The following DOP1B variants were observed in gnomAD, a reference collection of about 807,000 sequenced individuals.
The protein encoded by DOP1B is DOP1 leucine zipper like protein B, also known as protein DOP1B.
Under a neutral mutation model 233.5 loss-of-function variants are expected in DOP1B, and 174 were observed. That is an observed-to-expected ratio of 0.75 (90% CI 0.66 to 0.85). The LOEUF (loss-of-function observed/expected upper bound fraction) is 0.85, where lower values mean the gene tolerates loss of function less well. DOP1B is among the 40% of genes least tolerant of loss of function. The pLI, the probability that DOP1B is intolerant of heterozygous loss-of-function variation, is 0.00. For synonymous variants in DOP1B, 1,190 were observed against 1,185.6 expected (o/e 1.00, Z -0.08); for missense variants, 2,652 against 2,846.6 (o/e 0.93, Z 1.56).
chr21:36,277,207 T>C, intron 28 of DOP1B, 107 bp downstream of exon 28: 5 of 1,092,188 alleles, frequency 4.6e-6, no homozygotes, highest in Non-Finnish European at 5.3e-6. Context: ...GGCCGCACCC[T>C]CCCAGGTGAG....
intron 2 of DOP1B, among the ~76,000 whole-genome samples, chr21:36,175,565 G>C (rs1026035983): frequency 5.9e-5 from 9 of 151,848 alleles, no homozygotes; most frequent in Non-Finnish European, 1.3e-4. Context: ...GGCCAAGATG[G>C]GTGGATCACT....
intron 32 of DOP1B, among the ~76,000 whole-genome samples, chr21:36,286,664 A>G (rs2067487515): frequency 6.6e-6 from 1 of 151,170 alleles, no homozygotes; most frequent in Admixed American, 6.6e-5. Flanking sequence ...ACACACACAC[A>G]CACACACACA....
intron 21 of DOP1B, among the ~76,000 whole-genome samples, chr21:36,249,160 C>A (rs1397943035): frequency 2.0e-5 from 3 of 151,872 alleles, no homozygotes; most frequent in African/African-American, 7.3e-5. Context: ...GGCGCGGTGG[C>A]TCATGCTTGT....
chr21:36,241,370 G>A (rs966725802), intron 18 of DOP1B, among the ~76,000 whole-genome samples: 5 of 151,884 alleles, frequency 3.3e-5, no homozygotes, highest in Admixed American at 6.6e-5. Context: ...ATAAGCTAAC[G>A]CTGTTCGAGA....
Position 36,232,804 on chromosome 21 carries a change from G to C in DOP1B, c.2351G>C (p.Gly784Ala), listed in dbSNP as rs1449228521. ...GCCTCTCCGGCTGGCTTCCTTTCAG[G>C]AGCCGGTGATTCCAGTTTTCCATCT... The part of the protein sequence containing the change: ...QLCATLFQLP[G>A]AGDSSFPSWL... Residue 784 changes from glycine to alanine, a missense_variant and splice_region_variant, in exon 15 of 37, where the codon GGA becomes GCA. By Grantham distance (60) the Gly-to-Ala change is moderately conservative. Transcript: ENST00000691173. The C allele has an allele frequency of 6.2e-7, 1 of 1,611,942 alleles. No individual in the cohort carries two copies. The highest frequency in any genetic ancestry group is 1.1e-5 in the South Asian group (1 of 91,002).
intron 2 of DOP1B, among the ~76,000 whole-genome samples, chr21:36,192,085 A>G (rs549967329): frequency 6.6e-6 from 1 of 150,650 alleles, no homozygotes; most frequent in Non-Finnish European, 1.5e-5. Context: ...TTGGCTGGGC[A>G]TGGTGGCTCA....
intron 18 of DOP1B, among the ~76,000 whole-genome samples, chr21:36,240,487 C>CATAA (rs1304560080): frequency 3.3e-5 from 5 of 152,252 alleles, no homozygotes; most frequent in Middle Eastern, 3.4e-3. Flanking sequence ...TTCATAAATA[C>CATAA]ATAAATAAAT....
Position 36,238,651 on chromosome 21 carries a change from AAG to A in DOP1B, c.2832_2833del (p.Glu944AspfsTer14). The A allele has an allele frequency of 1.2e-6, 2 of 1,614,010 alleles. No individual in the cohort carries two copies. The highest frequency in any genetic ancestry group is 1.7e-6 in the Non-Finnish European group (2 of 1,179,804). ...FRFSVIWHLTREIQGSRVTSH... is the reference protein window; with the variant it reads ...FRFSVIWHLTXEIQGSRVTSH... ...GATTTTCCGTGATCTGGCATCTGAC[AAG>A]AGAGATCCAAGGCAGTCGAGTAACA... On this transcript the variant is annotated frameshift_variant, in exon 17 of 37. Transcript: ENST00000691173. LOFTEE classifies it high-confidence loss of function.
intron 23 of DOP1B, among the ~76,000 whole-genome samples, chr21:36,259,903 C>T (rs1159483383): frequency 2.6e-5 from 4 of 151,970 alleles, no homozygotes; most frequent in African/African-American, 9.7e-5. Context: ...TTTTTACAAG[C>T]AAGGAGGGGG....
intron 23 of DOP1B, among the ~76,000 whole-genome samples, chr21:36,259,316 C>A (rs2067143671): frequency 6.8e-6 from 1 of 147,982 alleles, no homozygotes; most frequent in South Asian, 2.1e-4. Context: ...TGTTGCCTAG[C>A]CTAGAGTGCA....
At chr21:36,228,298 A>G (rs752890094) in intron 13 of DOP1B, among the ~76,000 whole-genome samples, 1 of 151,984 alleles carries the variant, frequency 6.6e-6, no homozygotes, top group African/African-American at 2.4e-5. Flanking sequence ...CCCCATCTCT[A>G]TTAAAAATAC....
chr21:36,279,433 CAGAA>C (rs1002369974), intron 30 of DOP1B, among the ~76,000 whole-genome samples: 10 of 152,046 alleles, frequency 6.6e-5, no homozygotes, highest in East Asian at 1.9e-4. Context: ...TCAAAATAAC[CAGAA>C]AGAAAGAAAG....
In DOP1B at chr21:36,237,641, T is replaced by C. The variant is rs1222519893; in HGVS notation, c.2775+227T>C. Among the ~76,000 whole-genome samples the C allele has an allele frequency of 1.4e-4, 22 of 152,234 alleles. 1 individual carries two copies. Among genetic ancestry groups the C allele is most frequent in the Admixed American group, 1.4e-3 (22 of 15,282 alleles). On this transcript the variant is annotated intron_variant, in intron 16 of 36. Coordinates refer to ENST00000691173, the MANE Select transcript of DOP1B (RefSeq NM_001320714.2). ...ATGTGGTTTGTGACCATATTGAGGC[T>C]CACCAGGGAAACCTGCCCAAACTTG...
chr21:36,245,852 G>T lies in DOP1B; in HGVS notation c.3872G>T (p.Gly1291Val). 6.2e-7 allele frequency: 1 copy of T among 1,613,728 alleles called. No individual in the cohort carries two copies. The highest frequency in any genetic ancestry group is 8.5e-7 in the Non-Finnish European group (1 of 1,179,970). ...GCTCGCCACCAGGAGGCCCTCATTGGCCAGAGTTTCTACGGAAAGCTCCAG... is the reference window on the plus strand; with the variant it reads ...GCTCGCCACCAGGAGGCCCTCATTGTCCAGAGTTTCTACGGAAAGCTCCAG... ...LLARHQEALIGQSFYGKLQTQ... is the reference protein window; with the variant it reads ...LLARHQEALIVQSFYGKLQTQ... The change falls in exon 19 of 37, where the codon GGC becomes GTC. Residue 1291 changes from glycine (G) to valine (V), a missense_variant. By Grantham distance (109) the Gly-to-Val change is moderately radical. Transcript: ENST00000691173. This position sits in a 1 kb window ranked among gnomAD's most constrained non-coding sequence, Gnocchi z 5.5.
Position 36,235,360 on chromosome 21 carries a change from G to A in DOP1B, c.2623-1902G>A, listed in dbSNP as rs554543101. 1.8e-3 allele frequency among the ~76,000 whole-genome samples: 280 copies of A among 152,182 alleles called. 2 individuals carry two copies. The highest frequency in any genetic ancestry group is 5.7e-3 in the African/African-American group (236 of 41,524). On this transcript the variant is annotated intron_variant, in intron 15 of 36. Coordinates refer to ENST00000691173, the MANE Select transcript of DOP1B (RefSeq NM_001320714.2). ...AGGGTGCCCTGACCTTTCTTATCAG[G>A]TAGTGTTGGCAGATTTCAGATAACT... is the stretch of plus-strand genomic sequence containing the variant.
intron 2 of DOP1B, among the ~76,000 whole-genome samples, chr21:36,167,313 G>A (rs1156419384): frequency 6.6e-6 from 1 of 151,998 alleles, no homozygotes; most frequent in Admixed American, 6.6e-5. Flanking sequence ...GCTGAGATTA[G>A]AGGTGCCCGC....
At chr21:36,289,454 TGTGTGTGTGTG>T (rs2067531814) in intron 35 of DOP1B, among the ~76,000 whole-genome samples, 1 of 86,514 alleles carries the variant, frequency 1.2e-5, no homozygotes, top group Admixed American at 1.2e-4. Flanking sequence ...TGTGTGTGTG[TGTGTGTGTGTG>T]TGTGTGTGTG....
chr21:36,284,953 A>G (rs1174866567), intron 32 of DOP1B, among the ~76,000 whole-genome samples: 1 of 150,714 alleles, frequency 6.6e-6, no homozygotes, highest in Non-Finnish European at 1.5e-5. Context: ...ATTATACTAT[A>G]TAACAATATA....
intron 7 of DOP1B, among the ~76,000 whole-genome samples, chr21:36,212,419 G>A (rs957292088): frequency 6.6e-6 from 1 of 152,214 alleles, no homozygotes; most frequent in African/African-American, 2.4e-5. Flanking sequence ...CTATGGAGAA[G>A]TTCCATGGGA....
Sources: allele counts gnomAD v4.1 joint callset (sites outside exome capture counted in the v4.1 genomes callset), GRCh38; gene constraint gnomAD v4.1.1; non-coding constraint Gnocchi (gnomAD v3.1); transcripts MANE v1.5; gene names NCBI Gene and HGNC (gene_info 2026-07-23, HGNC 2026-07-21).